CACNA2D1: variants seen among roughly 807,000 people sequenced by gnomAD.
The protein encoded by CACNA2D1 is calcium voltage-gated channel auxiliary subunit alpha2delta 1.
A neutral mutation model predicts 171.5 loss-of-function variants in CACNA2D1; 53 were observed. The ratio of observed to expected loss-of-function variants is 0.31; its 90% CI spans 0.25 to 0.39. The LOEUF is 0.39. CACNA2D1 is among the 10% of genes least tolerant of loss of function. CACNA2D1 has a pLI of 1.00. For synonymous variants in CACNA2D1, 442 were observed against 443.1 expected (o/e 1.00, Z 0.03); for missense variants, 903 against 1,299.8 (o/e 0.69, Z 4.69).
intron 10 of CACNA2D1, among the ~76,000 whole-genome samples, chr7:82,043,919 G>C (rs187857961): frequency 1.3e-5 from 2 of 152,168 alleles, no homozygotes; most frequent in Non-Finnish European, 2.9e-5. Context: ...GTGCAGTCAA[G>C]TAGTTCTGCA....
chr7:82,395,825 T>C (rs1339112504), intron 1 of CACNA2D1, among the ~76,000 whole-genome samples: 5 of 152,108 alleles, frequency 3.3e-5, no homozygotes, highest in Non-Finnish European at 7.3e-5. Context: ...ACACAATAAT[T>C]GGAATCAAGC....
intron 2 of CACNA2D1, among the ~76,000 whole-genome samples, chr7:82,337,631 T>A (rs1431626861): frequency 6.6e-6 from 1 of 152,198 alleles, no homozygotes; most frequent in Admixed American, 6.5e-5. Flanking sequence ...AATTTCTTTC[T>A]CGAAGGAAAA....
chr7:82,143,427 G>A (rs1483390055), intron 4 of CACNA2D1, among the ~76,000 whole-genome samples: 1 of 152,050 alleles, frequency 6.6e-6, no homozygotes, highest in Non-Finnish European at 1.5e-5. Context: ...ATTAACTTTA[G>A]TTAATACCTA....
chr7:82,064,598 A>T (rs1217118424), intron 8 of CACNA2D1, among the ~76,000 whole-genome samples: 1 of 152,174 alleles, frequency 6.6e-6, no homozygotes, highest in Non-Finnish European at 1.5e-5. Context: ...TTATAACAGA[A>T]GATGAAGAAA....
In CACNA2D1 at chr7:82,174,317, T is replaced by C. The variant is rs531049201; in HGVS notation, c.295-3708A>G. Among the ~76,000 whole-genome samples the C allele has an allele frequency of 2.6e-5, 4 of 152,210 alleles. No homozygotes were observed. The East Asian group carries it at 7.8e-4, about 30-fold the overall frequency. On this transcript the variant is annotated intron_variant, in intron 3 of 38. Transcript: ENST00000356860. ...ATGAGAAAAATTTGAAGCTTAATTC[T>C]GCTAATATTACGATATTCAGCAAGG...
In CACNA2D1 at chr7:82,407,601, C is replaced by G. The variant is rs573729114; in HGVS notation, c.95+35764G>C. On this transcript the variant is annotated intron_variant, in intron 1 of 38. Coordinates refer to ENST00000356860, the MANE Select transcript of CACNA2D1 (RefSeq NM_000722.4). The stretch of plus-strand genomic sequence containing the variant: ...AAATACAATTTATTAGTAACAACAG[C>G]ATTGACATACAGTTGGAAAATTGCA... 3.6e-3 allele frequency among the ~76,000 whole-genome samples: 542 copies of G among 152,114 alleles called. 7 individuals carry two copies. Among genetic ancestry groups the G allele is most frequent in the African/African-American group, 0.012 (505 of 41,514 alleles).
chr7:82,410,395 T>C, intron 1 of CACNA2D1: 1 of 396,398 alleles, frequency 2.5e-6, no homozygotes, highest in Non-Finnish European at 3.4e-6. Flanking sequence ...TTTTATTAAA[T>C]ATTGTTTATC....
At chr7:82,072,739 C>A (rs1381735417) in intron 7 of CACNA2D1, among the ~76,000 whole-genome samples, 1 of 151,948 alleles carries the variant, frequency 6.6e-6, no homozygotes, top group Non-Finnish European at 1.5e-5. Context: ...AATTTGGGAA[C>A]CAGCCTACCT....
At chr7:82,262,496 T>C (rs1807255664) in intron 3 of CACNA2D1, among the ~76,000 whole-genome samples, 1 of 152,172 alleles carries the variant, frequency 6.6e-6, no homozygotes, top group African/African-American at 2.4e-5. Context: ...ACATGAATGG[T>C]GTTATTTCTA....
intron 7 of CACNA2D1, among the ~76,000 whole-genome samples, chr7:82,080,111 A>G (rs1317562049): frequency 6.8e-6 from 1 of 146,782 alleles, no homozygotes; most frequent in Non-Finnish European, 1.5e-5. Flanking sequence ...GTATATATAT[A>G]CATATATGTA....
intron 1 of CACNA2D1, among the ~76,000 whole-genome samples, chr7:82,434,175 T>A (rs2129459166): frequency 6.6e-6 from 1 of 152,308 alleles, no homozygotes; most frequent in Non-Finnish European, 1.5e-5. Context: ...CAGTCTCACC[T>A]TTTTCTGCAG....
chr7:82,060,227 A>G (rs1198805027), intron 10 of CACNA2D1, among the ~76,000 whole-genome samples: 3 of 68,304 alleles, frequency 4.4e-5, no homozygotes, highest in Admixed American at 2.9e-4. Context: ...TATATAATAT[A>G]TATATATAAT....
intron 4 of CACNA2D1, among the ~76,000 whole-genome samples, chr7:82,156,768 T>TGAGTTAAATGTGGTTGAACTTTTTCTC (rs1794420182): frequency 6.6e-6 from 1 of 152,058 alleles, no homozygotes. Flanking sequence ...AACTTTTTCT[T>TGAGTTAAATGTGGTTGAACTTTTTCTC]GAGTTAAATG....
intron 1 of CACNA2D1, among the ~76,000 whole-genome samples, chr7:82,405,147 T>C (rs573648772): frequency 6.6e-5 from 10 of 152,294 alleles, no homozygotes; most frequent in African/African-American, 2.4e-4. Flanking sequence ...GTCACTGTTC[T>C]TGGGATTTCT....
At chr7:82,110,807 C>T (rs1361636258) in intron 6 of CACNA2D1, among the ~76,000 whole-genome samples, 2 of 152,140 alleles carry the variant, frequency 1.3e-5, no homozygotes, top group African/African-American at 2.4e-5. Context: ...TCTCTATCTA[C>T]CCATTATAAA....
At chr7:81,992,025 A>G (rs1461622687) in intron 20 of CACNA2D1, among the ~76,000 whole-genome samples, 2 of 138,198 alleles carry the variant, frequency 1.4e-5, no homozygotes, top group African/African-American at 5.5e-5. Context: ...TTGTATTTTT[A>G]GTAGAGACGG....
chr7:82,216,375 T>C (rs1801099089), intron 3 of CACNA2D1, among the ~76,000 whole-genome samples: 1 of 152,152 alleles, frequency 6.6e-6, no homozygotes, highest in Non-Finnish European at 1.5e-5. Flanking sequence ...AAAATTCTGT[T>C]CTGGAAATTG....
Position 82,062,119 on chromosome 7 carries a change from T to A in CACNA2D1, c.780-1592A>T, listed in dbSNP as rs534655994. On this transcript the variant is annotated intron_variant, in intron 9 of 38. Coordinates refer to ENST00000356860, the MANE Select transcript of CACNA2D1 (RefSeq NM_000722.4). The stretch of plus-strand genomic sequence containing the variant: ...TAGTTTTATAAGGGCAGTTTCGTTT[T>A]AGGGAAGGGCTATTATCATTTAAAC... Among the ~76,000 whole-genome samples, 17 of 152,314 alleles carry A rather than the reference T, an allele frequency of 1.1e-4. 1 individual carries two copies. The highest frequency in any genetic ancestry group is 3.4e-3 in the Middle Eastern group (1 of 294).
At chr7:82,403,942 C>A (rs1430223828) in intron 1 of CACNA2D1, among the ~76,000 whole-genome samples, 1 of 152,188 alleles carries the variant, frequency 6.6e-6, no homozygotes, top group African/African-American at 2.4e-5. Flanking sequence ...CACTTCCTTA[C>A]CAGAGGTAAT....
Sources: gnomAD v4.1 joint callset for allele counts (sites outside exome capture counted in the v4.1 genomes callset) on GRCh38, gnomAD v4.1.1 for gene constraint, MANE v1.5 for transcripts, NCBI Gene and HGNC (gene_info 2026-07-23, HGNC 2026-07-21) for gene names.